Variants in MEMO1 observed in about 807,000 individuals in gnomAD.
MEMO1 encodes mediator of cell motility 1.
MEMO1 carries 6 observed loss-of-function variants against 45.2 expected under a neutral mutation model. The observed-to-expected ratio is 0.13, with a 90% CI of 0.07 to 0.26. MEMO1 has a LOEUF of 0.26. MEMO1 is among the 10% of genes least tolerant of loss of function. The pLI is 1.00. For synonymous variants in MEMO1, 78 were observed against 124.3 expected, an observed-to-expected ratio of 0.63 and a Z score of 2.48; for missense variants, 184 against 370.5, an observed-to-expected ratio of 0.50 and a Z score of 4.13.
At chr2:31,938,162 T>G (rs913842772) in intron 3 of MEMO1, among the ~76,000 whole-genome samples, 1 of 152,172 alleles carries the variant, frequency 6.6e-6, no homozygotes, top group Non-Finnish European at 1.5e-5. Flanking sequence ...GAACAACAGT[T>G]GACAGGTCAA....
At chr2:31,924,198 T>C (rs1682745484) in intron 4 of MEMO1, among the ~76,000 whole-genome samples, 1 of 152,122 alleles carries the variant, frequency 6.6e-6, no homozygotes, top group African/African-American at 2.4e-5. Context: ...AGCCGTAATC[T>C]CAAAATGGGT....
chr2:31,908,367 A>G (rs1479540308), intron 6 of MEMO1, among the ~76,000 whole-genome samples: 2 of 148,842 alleles, frequency 1.3e-5, no homozygotes, highest in African/African-American at 5.2e-5. Context: ...TGGTGAGAGT[A>G]AAAAAAACAA....
intron 2 of MEMO1, among the ~76,000 whole-genome samples, chr2:31,990,209 C>A (rs1671776103): frequency 6.6e-6 from 1 of 152,172 alleles, no homozygotes; most frequent in Admixed American, 6.5e-5. Context: ...CAACATATCA[C>A]AACACTGAAT....
intron 2 of MEMO1, among the ~76,000 whole-genome samples, chr2:31,973,460 A>AG (rs1393560656): frequency 2.0e-5 from 3 of 152,090 alleles, no homozygotes; most frequent in South Asian, 4.2e-4. Context: ...TCTCGGGAAG[A>AG]GAAAAAAAAA....
intron 2 of MEMO1, among the ~76,000 whole-genome samples, chr2:32,007,107 A>G (rs929288834): frequency 1.3e-5 from 2 of 152,160 alleles, no homozygotes; most frequent in Non-Finnish European, 2.9e-5. Flanking sequence ...TCCAGTCCCA[A>G]TGATGCCTAG....
intron 2 of MEMO1, among the ~76,000 whole-genome samples, chr2:31,974,031 A>G (rs534246784): frequency 6.6e-6 from 1 of 152,244 alleles, no homozygotes; most frequent in Non-Finnish European, 1.5e-5. Flanking sequence ...ATAGGAGTTC[A>G]TAAGTGTGAT....
At chr2:31,947,263 T>C (rs1326347495) in intron 2 of MEMO1, among the ~76,000 whole-genome samples, 1 of 152,226 alleles carries the variant, frequency 6.6e-6, no homozygotes, top group Middle Eastern at 3.2e-3. Context: ...CAAGCTTTCA[T>C]ATGGCTACTT....
intron 2 of MEMO1, among the ~76,000 whole-genome samples, chr2:31,966,323 T>G (rs1668607345): frequency 6.6e-6 from 1 of 152,236 alleles, no homozygotes; most frequent in African/African-American, 2.4e-5. Context: ...TACCAGCCAG[T>G]GTCAGTTACC....
chr2:31,990,882 A>C (rs1671866980), intron 2 of MEMO1, among the ~76,000 whole-genome samples: 1 of 152,182 alleles, frequency 6.6e-6, no homozygotes, highest in South Asian at 2.1e-4. Flanking sequence ...CGCTGAGACT[A>C]GCAAGAGAAC....
intron 3 of MEMO1, among the ~76,000 whole-genome samples, chr2:31,936,882 G>C (rs1489670290): frequency 6.6e-6 from 1 of 152,118 alleles, no homozygotes; most frequent in Admixed American, 6.5e-5. Context: ...GTAGCAAAAT[G>C]CAAAATAAAA....
chr2:32,000,792 T>A (rs963308618), intron 2 of MEMO1, among the ~76,000 whole-genome samples: 2 of 141,828 alleles, frequency 1.4e-5, no homozygotes, highest in East Asian at 2.0e-4. Context: ...TACCACATAT[T>A]TTTTTTTTTT....
intron 2 of MEMO1, among the ~76,000 whole-genome samples, chr2:31,982,455 A>T (rs1182031130): frequency 1.5e-5 from 2 of 137,752 alleles, no homozygotes. Context: ...CTGGGCATGG[A>T]GGTGAACGCC....
chr2:31,869,601 G>C (rs1673366719), intron 9 of MEMO1, among the ~76,000 whole-genome samples: 1 of 152,028 alleles, frequency 6.6e-6, no homozygotes, highest in African/African-American at 2.4e-5. Context: ...TAAGAGTCAA[G>C]AGAAAATGTG....
At chr2:32,009,224 C>T (rs1348251622) in intron 2 of MEMO1, among the ~76,000 whole-genome samples, 1 of 152,196 alleles carries the variant, frequency 6.6e-6, no homozygotes, top group Non-Finnish European at 1.5e-5. Flanking sequence ...AAACTTAATT[C>T]GTTAGGTAGT....
chr2:31,882,395 TTAGA>T (rs1029927184), intron 8 of MEMO1, among the ~76,000 whole-genome samples: 80 of 152,152 alleles, frequency 5.3e-4, no homozygotes, highest in African/African-American at 1.8e-3. Flanking sequence ...AAAAATGAAA[TTAGA>T]TATATAACAA....
rs994883891 is a variant in MEMO1 at position 31,986,429 on chromosome 2, G to A, written c.61+23758C>T. ...GGAGCTTGCAGTGAGCCGAGGTTGCGCCACTGCACTGCAGCCTGAGCGAAA... is the reference window on the plus strand; with the variant it reads ...GGAGCTTGCAGTGAGCCGAGGTTGCACCACTGCACTGCAGCCTGAGCGAAA... On this transcript the variant is annotated intron_variant, in intron 2 of 9. Transcript: ENST00000404530. Among the ~76,000 whole-genome samples the A allele has an allele frequency of 6.6e-5, 10 of 152,036 alleles. No homozygotes were observed. The South Asian group carries it at 1.0e-3, about 16-fold the overall frequency.
chr2:31,963,273 T>C (rs1431431543), intron 2 of MEMO1: 33 of 1,531,438 alleles, frequency 2.2e-5, no homozygotes, highest in South Asian at 3.7e-5. Context: ...CTTTCTATAT[T>C]GAAGATAAAC....
At chr2:31,888,560 T>C (rs1020622843) in intron 7 of MEMO1, among the ~76,000 whole-genome samples, 1 of 152,098 alleles carries the variant, frequency 6.6e-6, no homozygotes, top group African/African-American at 2.4e-5. Context: ...GGAGCCATCC[T>C]ATAGGATATA....
At chr2:31,965,327 G>A (rs971000107) in intron 2 of MEMO1, among the ~76,000 whole-genome samples, 1 of 94,390 alleles carries the variant, frequency 1.1e-5, no homozygotes, top group Admixed American at 1.1e-4. Flanking sequence ...GAGGGAGGAA[G>A]AGAGGGAGGG....
Sources: gnomAD v4.1 joint callset for allele counts (sites outside exome capture counted in the v4.1 genomes callset) on GRCh38, gnomAD v4.1.1 for gene constraint, MANE v1.5 for transcripts, NCBI Gene and HGNC (gene_info 2026-07-23, HGNC 2026-07-21) for gene names.